Variants in ILKAP observed in about 807,000 individuals in gnomAD.
ILKAP encodes the protein integrin-linked kinase-associated serine/threonine phosphatase 2C.
ILKAP carries 11 observed loss-of-function variants against 49.1 expected under a neutral mutation model. The observed-to-expected ratio is 0.22, with a 90% CI of 0.14 to 0.37. The LOEUF is 0.37. ILKAP is among the 10% of genes least tolerant of loss of function. ILKAP has a pLI of 1.00. For missense variants in ILKAP, 363 were observed against 510.8 expected, an observed-to-expected ratio of 0.71 and a Z score of 2.79; for synonymous variants, 186 against 192.8, an observed-to-expected ratio of 0.96 and a Z score of 0.29.
intron 10 of ILKAP, among the ~76,000 whole-genome samples, chr2:238,172,569 C>T (rs1403435350): frequency 2.6e-5 from 4 of 152,186 alleles, no homozygotes; most frequent in African/African-American, 4.8e-5. Flanking sequence ...ACACCAGAGG[C>T]GGCGGCTGCT....
At chr2:238,188,499 G>C (rs2305171) in intron 4 of ILKAP, 1 of 420,902 alleles carries the variant, frequency 2.4e-6, no homozygotes, top group South Asian at 3.2e-5. Context: ...AGGAGTCAGT[G>C]AGCACAAAAC....
chr2:238,189,802 T>C (rs751339676), intron 4 of ILKAP, 51 bp downstream of exon 4: 1 of 1,572,004 alleles, frequency 6.4e-7, no homozygotes, highest in Non-Finnish European at 8.7e-7. Context: ...TTGCTCTGGG[T>C]TGTTTTAAAA....
intron 2 of ILKAP, 75 bp from the exon 3 acceptor site, chr2:238,194,406 G>A: frequency 7.3e-7 from 1 of 1,375,306 alleles, no homozygotes; most frequent in Non-Finnish European, 1.0e-6. Flanking sequence ...ATCCCACCAG[G>A]ACACCTATGT....
Position 238,173,746 on chromosome 2 carries a change from G to A in ILKAP, c.837-93C>T, listed in dbSNP as rs1395696407. 6 of 1,373,898 alleles carry A rather than the reference G, an allele frequency of 4.4e-6. No individual in the cohort carries two copies. In the East Asian group the frequency reaches 1.2e-4, roughly 27 times the overall value. The allele number at this position is 1,373,898 out of a possible 1,614,324, so 85.1% of individuals were successfully genotyped here. On this transcript the variant is annotated intron_variant, in intron 9 of 11. Transcript: ENST00000254654. ...CACCTTAAAAGCAGAGAATGGAAGTGTGAAAGATACAGACTGTGGAATTCA... is the reference window on the plus strand; with the variant it reads ...CACCTTAAAAGCAGAGAATGGAAGTATGAAAGATACAGACTGTGGAATTCA...
chr2:238,202,028 C>T (rs1299850478), intron 1 of ILKAP, among the ~76,000 whole-genome samples: 1 of 152,074 alleles, frequency 6.6e-6, no homozygotes, highest in Non-Finnish European at 1.5e-5. Flanking sequence ...AGTTCAAGAC[C>T]ACCCTACCCA....
At chr2:238,195,004 G>T in intron 1 of ILKAP, 134 bp from the exon 2 acceptor site, 1 of 652,294 alleles carries the variant, frequency 1.5e-6, no homozygotes, top group Non-Finnish European at 2.7e-6. Context: ...TTCCTGTTGG[G>T]CAAATTTTTA....
intron 6 of ILKAP, among the ~76,000 whole-genome samples, chr2:238,184,555 T>C (rs1006164233): frequency 6.6e-6 from 1 of 151,956 alleles, no homozygotes; most frequent in Non-Finnish European, 1.5e-5. Context: ...CCTATTTCTT[T>C]CCTTTTTTAA....
intron 6 of ILKAP, among the ~76,000 whole-genome samples, chr2:238,184,540 C>T (rs888424730): frequency 6.6e-6 from 1 of 152,010 alleles, no homozygotes; most frequent in Non-Finnish European, 1.5e-5. Flanking sequence ...TGATTAAGAA[C>T]AATCCCTATT....
chr2:238,192,209 A>G (rs1273682535), intron 3 of ILKAP, among the ~76,000 whole-genome samples: 1 of 151,736 alleles, frequency 6.6e-6, no homozygotes, highest in Non-Finnish European at 1.5e-5. Flanking sequence ...GTCTTAAAAA[A>G]AAAAAAAGAA....
chr2:238,194,253 T>C (rs777368400), intron 3 of ILKAP, 22 bp downstream of exon 3: 2 of 1,608,860 alleles, frequency 1.2e-6, no homozygotes, highest in Non-Finnish European at 1.7e-6. Context: ...CATCAGCACC[T>C]TGGATTTTTC....
chr2:238,194,999 G>T (rs1009162755), intron 1 of ILKAP, 129 bp from the exon 2 acceptor site: 15 of 686,474 alleles, frequency 2.2e-5, no homozygotes, highest in Non-Finnish European at 3.0e-5. Flanking sequence ...TCTCCTTCCT[G>T]TTGGGCAAAT....
chr2:238,202,760 C>T (rs1365086691), intron 1 of ILKAP, among the ~76,000 whole-genome samples: 5 of 152,090 alleles, frequency 3.3e-5, no homozygotes, highest in Non-Finnish European at 7.4e-5. Flanking sequence ...AACACAGGCC[C>T]TGTTTCAAGC....
intron 4 of ILKAP, chr2:238,188,510 A>C: frequency 5.1e-6 from 2 of 389,424 alleles, no homozygotes; most frequent in East Asian, 4.7e-5. Flanking sequence ...AGCACAAAAC[A>C]ACTCTGTCTA....
At position 238,172,029 on chromosome 2, in the gene ILKAP, T is replaced by C. The variant is rs1228547801; in HGVS notation, c.957-1005A>G. Among the ~76,000 whole-genome samples, 7 of 152,140 alleles carry C rather than the reference T, an allele frequency of 4.6e-5. No homozygotes were observed. In the South Asian group the frequency reaches 1.4e-3, roughly 31 times the overall value. On this transcript the variant is annotated intron_variant, in intron 10 of 11. Transcript: ENST00000254654. ...ATATCTGTGGGGTTTTTTTGTGTTT[T>C]TTTTTCTTTGTTTTTTGTTGCTGCT... is the stretch of plus-strand genomic sequence containing the variant.
Position 238,182,133 on chromosome 2 carries a change from G to A in ILKAP, c.768C>T (p.Leu256=). The change falls in exon 9 of 12, where the codon CTC becomes CTT. Residue 256 remains leucine, a synonymous_variant. Coordinates refer to ENST00000254654, the MANE Select transcript of ILKAP (RefSeq NM_030768.3). ...EESQKHAALS[L]SKEHNPTQYE... is the part of the protein sequence containing the mutation. The stretch of plus-strand genomic sequence containing the variant: ...ACTGAGTTGGATTATGCTCTTTGCT[G>A]AGGCTTAAGGCTGCATGTTTTTGAC... 1 of 1,613,928 alleles carries A rather than the reference G, an allele frequency of 6.2e-7. No individual in the cohort carries two copies.
At chr2:238,179,419 A>G (rs904379237) in intron 9 of ILKAP, among the ~76,000 whole-genome samples, 2 of 152,234 alleles carry the variant, frequency 1.3e-5, no homozygotes, top group Admixed American at 1.3e-4. Flanking sequence ...TATTGATGAT[A>G]AGAAGTTTCT....
chr2:238,188,010 C>T, intron 5 of ILKAP, 121 bp downstream of exon 5: 1 of 1,157,186 alleles, frequency 8.6e-7, no homozygotes, highest in Non-Finnish European at 1.2e-6. Context: ...CTGAGAATCA[C>T]TGATGTACAA....
chr2:238,177,478 G>A (rs1284024987), intron 9 of ILKAP, among the ~76,000 whole-genome samples: 2 of 151,910 alleles, frequency 1.3e-5, no homozygotes, highest in African/African-American at 4.8e-5. Context: ...CTAACCCCAC[G>A]ATTCATTCCC....
chr2:238,194,984 A>G, intron 1 of ILKAP, 114 bp from the exon 2 acceptor site: 2 of 810,964 alleles, frequency 2.5e-6, no homozygotes, highest in Non-Finnish European at 4.1e-6. Flanking sequence ...ATTAGATTCT[A>G]ATTTTCTCCT....
Sources: allele counts gnomAD v4.1 joint callset (sites outside exome capture counted in the v4.1 genomes callset), GRCh38; gene constraint gnomAD v4.1.1; transcripts MANE v1.5; gene names NCBI Gene and HGNC (gene_info 2026-07-23, HGNC 2026-07-21).